Variants in SLC2A13 observed in about 807,000 individuals in gnomAD.
SLC2A13 encodes proton myo-inositol cotransporter.
SLC2A13 carries 32 observed loss-of-function variants against 64.4 expected under a neutral mutation model. The observed-to-expected ratio is 0.50, with a 90% CI of 0.37 to 0.67. The LOEUF (loss-of-function observed/expected upper bound fraction) is 0.67. Among genes scored for constraint, SLC2A13 ranks in the 30% least tolerant of loss-of-function variants. The pLI, the probability that SLC2A13 is intolerant of heterozygous loss-of-function variation, is 0.00. For missense variants in SLC2A13, 743 were observed against 829.2 expected, an observed-to-expected ratio of 0.90 and a Z score of 1.28; for synonymous variants, 338 against 327.1, an observed-to-expected ratio of 1.03 and a Z score of -0.36.
chr12:39,779,629 C>A (rs537929711), intron 7 of SLC2A13, among the ~76,000 whole-genome samples: 2 of 152,310 alleles, frequency 1.3e-5, no homozygotes, highest in South Asian at 4.2e-4. Flanking sequence ...ACAACAATTT[C>A]TTCACTACAT....
At chr12:39,938,809 T>C (rs1945968066) in intron 4 of SLC2A13, among the ~76,000 whole-genome samples, 2 of 152,122 alleles carry the variant, frequency 1.3e-5, no homozygotes. Flanking sequence ...TCAGAGGTGC[T>C]TTTCATGCCT....
At chr12:39,939,129 T>A (rs1644813766) in intron 4 of SLC2A13, among the ~76,000 whole-genome samples, 1 of 152,166 alleles carries the variant, frequency 6.6e-6, no homozygotes, top group Non-Finnish European at 1.5e-5. Flanking sequence ...CATAGCCTGC[T>A]TACCAATGCT....
At chr12:40,101,479 T>C (rs909013109) in intron 1 of SLC2A13, among the ~76,000 whole-genome samples, 1 of 152,208 alleles carries the variant, frequency 6.6e-6, no homozygotes, top group Non-Finnish European at 1.5e-5. Context: ...AGTAGCCATC[T>C]CAGCAAATGA....
chr12:39,764,349 T>C lies in SLC2A13; in HGVS notation c.1720+111A>G, dbSNP rs1940271962. On this transcript the variant is annotated intron_variant, in intron 9 of 9. Transcript: ENST00000280871. ...GACAAGAAAGCCACATGGAGATACT[T>C]ATAACAGCAAAATATAACCACATAG... is the stretch of plus-strand genomic sequence containing the variant. The C allele has an allele frequency of 6.8e-6, 7 of 1,032,782 alleles. No individual in the cohort carries two copies. In the South Asian group the frequency reaches 1.4e-4, roughly 20 times the overall value. The allele number at this position is 1,032,782 out of a possible 1,614,324, so 64.0% of individuals were successfully genotyped here.
chr12:39,786,769 G>T (rs1349390686), intron 7 of SLC2A13, among the ~76,000 whole-genome samples: 1 of 152,150 alleles, frequency 6.6e-6, no homozygotes, highest in Non-Finnish European at 1.5e-5. Context: ...TACTCAAGGG[G>T]TTAAGTGGTC....
At chr12:40,076,241 A>C (rs1052834559) in intron 1 of SLC2A13, among the ~76,000 whole-genome samples, 5 of 152,274 alleles carry the variant, frequency 3.3e-5, no homozygotes, top group Non-Finnish European at 7.4e-5. Context: ...TTGGTGTACA[A>C]ATTATTTCAT....
chr12:39,961,043 G>C (rs534700017), intron 3 of SLC2A13, among the ~76,000 whole-genome samples: 2 of 151,240 alleles, frequency 1.3e-5, no homozygotes, highest in South Asian at 4.2e-4. Context: ...CATTGTGCCT[G>C]GCCCTTGCAT....
In SLC2A13 at chr12:39,967,694, T is replaced by A. The variant is rs574072373; in HGVS notation, c.926-16329A>T. 8.5e-5 allele frequency among the ~76,000 whole-genome samples: 13 copies of A among 152,324 alleles called. No homozygotes were observed. In the South Asian group the frequency reaches 2.1e-3, roughly 24 times the overall value. On this transcript the variant is annotated intron_variant, in intron 3 of 9. Transcript: ENST00000280871. ...GCACTTTTCTAAAAAGTACTATTCA[T>A]AAATTACTTAGCCTATTGGTATAAA...
chr12:39,997,558 T>C (rs954541055), intron 3 of SLC2A13, among the ~76,000 whole-genome samples: 2 of 152,152 alleles, frequency 1.3e-5, no homozygotes, highest in African/African-American at 4.8e-5. Flanking sequence ...AGGCCAGGCA[T>C]AATGGCTCAC....
chr12:39,947,544 A>G (rs1032343428), intron 4 of SLC2A13, among the ~76,000 whole-genome samples: 1 of 152,112 alleles, frequency 6.6e-6, no homozygotes, highest in Non-Finnish European at 1.5e-5. Context: ...TGTGGTAATG[A>G]TAATGTGGGA....
intron 3 of SLC2A13, among the ~76,000 whole-genome samples, chr12:39,979,458 C>G: frequency 6.9e-6 from 1 of 144,322 alleles, no homozygotes; most frequent in Non-Finnish European, 1.5e-5. Flanking sequence ...CTAGAATAAC[C>G]AATACAGAGA....
chr12:39,770,909 C>G (rs1940540136), intron 7 of SLC2A13, among the ~76,000 whole-genome samples: 1 of 152,048 alleles, frequency 6.6e-6, no homozygotes, highest in South Asian at 2.1e-4. Context: ...CTGGGACACC[C>G]AGGTAAAGTT....
intron 1 of SLC2A13, among the ~76,000 whole-genome samples, chr12:40,058,076 G>C (rs1948361670): frequency 6.6e-6 from 1 of 151,088 alleles, no homozygotes; most frequent in Non-Finnish European, 1.5e-5. Context: ...TAGATAGATA[G>C]ATAGATAGAT....
rs111412418 is a variant in SLC2A13, at chr12:39,946,843, G to A, written c.1034+4414C>T. ...TTCCCCCGGCCTGTGAAGTATGAACGCCCCATTTGCGTCCTCCCTTATGGC... is the reference window on the plus strand; with the variant it reads ...TTCCCCCGGCCTGTGAAGTATGAACACCCCATTTGCGTCCTCCCTTATGGC... On this transcript the variant is annotated intron_variant, in intron 4 of 9. Transcript: ENST00000280871. Among the ~76,000 whole-genome samples, 1,281 of 152,220 alleles carry A rather than the reference G, an allele frequency of 8.4e-3. 9 individuals are homozygous for A. Among genetic ancestry groups the A allele is most frequent in the African/African-American group, 0.029 (1,197 of 41,522 alleles).
Position 40,105,884 on chromosome 12 carries a change from C to A in SLC2A13, c.-76G>T. On this transcript the variant is annotated 5_prime_UTR_variant, in exon 1 of 10. Coordinates refer to ENST00000280871, the MANE Select transcript of SLC2A13 (RefSeq NM_052885.4). The surrounding 1 kb of genome is among the most constrained non-coding windows in gnomAD (Gnocchi z 4.2). Reference sequence around the variant, plus strand: ...GTCTCGGCGAGCTAGACAGCCCGAGCCGGCGGGAGCAACCGCCGCTGCCGC... The same window carrying A: ...GTCTCGGCGAGCTAGACAGCCCGAGACGGCGGGAGCAACCGCCGCTGCCGC... The A allele has an allele frequency of 7.9e-7, 1 of 1,267,548 alleles. No individual in the cohort carries two copies. Among genetic ancestry groups the A allele is most frequent in the Non-Finnish European group, 9.9e-7 (1 of 1,005,410 alleles). 78.5% of individuals were successfully genotyped at this position (1,267,548 alleles called of 1,614,324 possible). A position where few individuals can be genotyped will look rare whatever the true frequency, so the allele number is the denominator to read the frequency against.
At chr12:39,997,915 G>A (rs1254217274) in intron 3 of SLC2A13, among the ~76,000 whole-genome samples, 1 of 152,208 alleles carries the variant, frequency 6.6e-6, no homozygotes, top group Non-Finnish European at 1.5e-5. Context: ...CTTCACCACT[G>A]CTGGTCGGAA....
intron 4 of SLC2A13, among the ~76,000 whole-genome samples, chr12:39,901,250 C>G (rs1044998680): frequency 2.6e-5 from 4 of 152,140 alleles, no homozygotes; most frequent in African/African-American, 9.7e-5. Flanking sequence ...AGAAGAAAAC[C>G]TAGGCAATAC....
chr12:39,870,954 A>G (rs1592225936), intron 5 of SLC2A13, among the ~76,000 whole-genome samples: 1 of 152,250 alleles, frequency 6.6e-6, no homozygotes, highest in Non-Finnish European at 1.5e-5. Context: ...TGGTTAAAAT[A>G]GAATTTAGTT....
intron 1 of SLC2A13, chr12:40,068,234 T>A (rs552659615): frequency 5.9e-5 from 19 of 320,512 alleles, no homozygotes; most frequent in Middle Eastern, 1.1e-3. Context: ...AAAAATTATT[T>A]TGCTTGGTTT....
Sources: allele counts gnomAD v4.1 joint callset (sites outside exome capture counted in the v4.1 genomes callset), GRCh38; gene constraint gnomAD v4.1.1; non-coding constraint Gnocchi (gnomAD v3.1); transcripts MANE v1.5; gene names NCBI Gene and HGNC (gene_info 2026-07-23, HGNC 2026-07-21).